Variants in UBAP2 observed in about 807,000 individuals in gnomAD.
UBAP2 encodes the protein ubiquitin-associated protein 2.
A neutral mutation model predicts 139.6 loss-of-function variants in UBAP2; 75 were observed. The ratio of observed to expected loss-of-function variants is 0.54; its 90% CI spans 0.45 to 0.65. The LOEUF is 0.65. Among genes scored for constraint, UBAP2 ranks in the 30% least tolerant of loss-of-function variants. The pLI is 0.00. For synonymous variants in UBAP2, 526 were observed against 526.2 expected (o/e 1.00, Z 0.01); for missense variants, 1,368 against 1,369.6 (o/e 1.00, Z 0.02).
intron 12 of UBAP2, among the ~76,000 whole-genome samples, chr9:33,951,974 C>G (rs1826141081): frequency 1.3e-5 from 2 of 152,186 alleles, no homozygotes; most frequent in Non-Finnish European, 1.5e-5. Flanking sequence ...ACTTCAAGCA[C>G]TGACACCACC....
intron 1 of UBAP2, among the ~76,000 whole-genome samples, chr9:34,035,231 G>A (rs547155905): frequency 4.6e-5 from 7 of 151,432 alleles, no homozygotes; most frequent in Non-Finnish European, 7.4e-5. Context: ...GGCTAGGCGC[G>A]GTGGCTCACG....
At chr9:33,989,199 CT>C (rs1821476785) in intron 4 of UBAP2, 73 bp from the exon 5 acceptor site, 4 of 1,217,422 alleles carry the variant, frequency 3.3e-6, no homozygotes, top group Non-Finnish European at 4.3e-6. Flanking sequence ...ATGCATGTAT[CT>C]TTCTTTTTTT....
intron 16 of UBAP2, among the ~76,000 whole-genome samples, chr9:33,936,110 GGA>G (rs1824489440): frequency 2.6e-5 from 4 of 152,046 alleles, no homozygotes; most frequent in Non-Finnish European, 5.9e-5. Flanking sequence ...AGCCTGCCTA[GGA>G]GCTGGGACTA....
chr9:33,956,876 G>C (rs1826605971), intron 10 of UBAP2, among the ~76,000 whole-genome samples: 1 of 151,976 alleles, frequency 6.6e-6, no homozygotes, highest in Non-Finnish European at 1.5e-5. Flanking sequence ...CCAACACTCT[G>C]GGCAGCCGAG....
intron 1 of UBAP2, among the ~76,000 whole-genome samples, chr9:34,045,738 A>G (rs1202945043): frequency 1.3e-5 from 2 of 152,202 alleles, no homozygotes; most frequent in African/African-American, 2.4e-5. Flanking sequence ...TCAGCAGGAA[A>G]TATCAGCATA....
At chr9:34,012,433 A>C (rs1447810619) in intron 2 of UBAP2, among the ~76,000 whole-genome samples, 1 of 151,976 alleles carries the variant, frequency 6.6e-6, no homozygotes, top group Non-Finnish European at 1.5e-5. Context: ...CGGGAGGCTG[A>C]GGCAGGAGAA....
intron 2 of UBAP2, among the ~76,000 whole-genome samples, chr9:34,016,318 A>AAGGAGGAAGAGGAGG (rs1353259325): frequency 1.9e-5 from 1 of 53,518 alleles, no homozygotes; most frequent in Non-Finnish European, 4.1e-5. Context: ...GGAGGAAGAG[A>AAGGAGGAAGAGGAGG]AGGAGGAAGA....
chr9:34,001,248 A>G (rs879875322), intron 2 of UBAP2, among the ~76,000 whole-genome samples: 6 of 152,264 alleles, frequency 3.9e-5, no homozygotes, highest in Non-Finnish European at 7.3e-5. Context: ...TTATTTAGAA[A>G]GAATATATAA....
intron 1 of UBAP2, among the ~76,000 whole-genome samples, chr9:34,039,281 C>G (rs1826813135): frequency 6.6e-6 from 1 of 151,394 alleles, no homozygotes. Flanking sequence ...GTGGGGGGGG[C>G]GCCTCTGCCC....
intron 6 of UBAP2, among the ~76,000 whole-genome samples, chr9:33,975,825 A>ATGG: frequency 6.6e-6 from 1 of 151,716 alleles, no homozygotes. Context: ...AAAAAGTAAA[A>ATGG]TGGTACAGCT....
chr9:33,967,552 G>C (rs1446079822), intron 8 of UBAP2, among the ~76,000 whole-genome samples: 1 of 151,944 alleles, frequency 6.6e-6, no homozygotes, highest in Non-Finnish European at 1.5e-5. Context: ...TCCTTTCATA[G>C]ATCTTATTGT....
intron 1 of UBAP2, among the ~76,000 whole-genome samples, chr9:34,042,709 G>A (rs1272747423): frequency 6.6e-6 from 1 of 152,040 alleles, no homozygotes; most frequent in Admixed American, 6.6e-5. Context: ...TGCCTTGGGA[G>A]CTGGCATACA....
intron 1 of UBAP2, among the ~76,000 whole-genome samples, chr9:34,035,500 T>TA (rs1202143092): frequency 0.01 from 385 of 36,682 alleles, 90 homozygotes; most frequent in African/African-American, 0.03. Context: ...AGACTCCATC[T>TA]AAAAAAAAAA....
intron 10 of UBAP2, 151 bp downstream of exon 10, chr9:33,960,675 G>T (rs1251602011): frequency 5.9e-6 from 4 of 679,418 alleles, no homozygotes; most frequent in Non-Finnish European, 9.9e-6. Flanking sequence ...AGCTATTTGG[G>T]AGGCTGAGGC....
intron 19 of UBAP2, among the ~76,000 whole-genome samples, chr9:33,930,482 C>T (rs1823871785): frequency 6.6e-6 from 1 of 151,972 alleles, no homozygotes; most frequent in African/African-American, 2.4e-5. Flanking sequence ...ACAAAAAACC[C>T]TTAAGTTTCA....
At chr9:34,036,976 C>A (rs1751115788) in intron 1 of UBAP2, among the ~76,000 whole-genome samples, 1 of 143,576 alleles carries the variant, frequency 7.0e-6, no homozygotes, top group Non-Finnish European at 1.5e-5. Context: ...GCCACCACAC[C>A]CAGCTATTTT....
chr9:33,937,360 A>G (rs1160239404), intron 16 of UBAP2, among the ~76,000 whole-genome samples: 1 of 152,076 alleles, frequency 6.6e-6, no homozygotes, highest in Non-Finnish European at 1.5e-5. Flanking sequence ...TAGTCCCAGC[A>G]CTATGGGAGG....
Position 33,941,753 on chromosome 9 carries a change from T to C in UBAP2, c.1825A>G (p.Ser609Gly), listed in dbSNP as rs567471064. ...TAAGAGGAAGACATTGCTACTGGAC[T>C]AGCAGAATTCAGTGATGAGCTTGTC... ...SLTSSSLNSA[S>G]PVAMSSSYDQ... The change falls in exon 16 of 29, where the codon AGT becomes GGT. Residue 609 changes from serine (S) to glycine (G), a missense_variant. By Grantham distance (56) the Ser-to-Gly change is moderately conservative (BLOSUM62 0). Coordinates refer to ENST00000379238, the MANE Select transcript of UBAP2 (RefSeq NM_001370062.2). The C allele has an allele frequency of 6.2e-7, 1 of 1,614,022 alleles. No homozygotes were observed. The highest frequency in any genetic ancestry group is 8.5e-7 in the Non-Finnish European group (1 of 1,180,010).
At chr9:34,035,022 T>G (rs1432788143) in intron 1 of UBAP2, among the ~76,000 whole-genome samples, 3 of 152,136 alleles carry the variant, frequency 2.0e-5, no homozygotes, top group Non-Finnish European at 4.4e-5. Flanking sequence ...TAAACTGTAT[T>G]TCACAAAATG....
Sources: gnomAD v4.1 joint callset for allele counts (sites outside exome capture counted in the v4.1 genomes callset) on GRCh38, gnomAD v4.1.1 for gene constraint, MANE v1.5 for transcripts, NCBI Gene and HGNC (gene_info 2026-07-23, HGNC 2026-07-21) for gene names.